Variants in NINJ2 observed in about 807,000 individuals in gnomAD.
NINJ2 encodes ninjurin 2.
Under a neutral mutation model 11.7 loss-of-function variants are expected in NINJ2, and 12 were observed. That is an observed-to-expected ratio of 1.02 (90% confidence interval 0.66 to 1.66). The LOEUF (loss-of-function observed/expected upper bound fraction) is 1.66, where lower values mean the gene tolerates loss of function less well. Ranked by LOEUF, NINJ2 falls within the 40% of genes most tolerant of loss-of-function variation. The pLI is 0.00. For missense variants in NINJ2, 187 were observed against 181.8 expected (o/e 1.03, Z -0.16); for synonymous variants, 93 against 76.8 (o/e 1.21, Z -1.10).
At chr12:624,785 G>C (rs1948192644) in intron 1 of NINJ2, among the ~76,000 whole-genome samples, 1 of 146,986 alleles carries the variant, frequency 6.8e-6, no homozygotes, top group South Asian at 2.2e-4. Flanking sequence ...CTCCAACCTG[G>C]GAGACAGAGT....
At chr12:646,306 G>A (rs1490656552) in intron 1 of NINJ2, among the ~76,000 whole-genome samples, 1 of 152,156 alleles carries the variant, frequency 6.6e-6, no homozygotes, top group Non-Finnish European at 1.5e-5. Flanking sequence ...TCCACCTCTT[G>A]GACTGCCCCT....
chr12:651,613 A>G (rs1937786896), intron 1 of NINJ2, among the ~76,000 whole-genome samples: 1 of 152,262 alleles, frequency 6.6e-6, no homozygotes, highest in South Asian at 2.1e-4. Flanking sequence ...AGCAAGCATT[A>G]GAACTAGACA....
At chr12:635,611 G>A (rs1948341934) in intron 1 of NINJ2, among the ~76,000 whole-genome samples, 1 of 152,178 alleles carries the variant, frequency 6.6e-6, no homozygotes, top group Admixed American at 6.5e-5. Context: ...AAACTTGAGA[G>A]TTAACACTGT....
intron 1 of NINJ2, among the ~76,000 whole-genome samples, chr12:635,163 C>T (rs781195487): frequency 6.6e-6 from 1 of 152,028 alleles, no homozygotes; most frequent in Non-Finnish European, 1.5e-5. Context: ...AAGTGATCCT[C>T]CTGCCTCAGC....
Position 572,217 on chromosome 12 carries a change from A to G in NINJ2, c.34-6039T>C, listed in dbSNP as rs367633266. On this transcript the variant is annotated intron_variant, in intron 1 of 3. Coordinates refer to ENST00000305108, the MANE Select transcript of NINJ2 (RefSeq NM_016533.6). ...GCGGAGAATCCCGGGGGCTGAGGACATCGCTGAGAGGCCGCTGCAGGGCAT... is the reference window on the plus strand; with the variant it reads ...GCGGAGAATCCCGGGGGCTGAGGACGTCGCTGAGAGGCCGCTGCAGGGCAT... Among the ~76,000 whole-genome samples the G allele has an allele frequency of 7.2e-5, 11 of 152,334 alleles. No homozygotes were observed. The South Asian group carries it at 1.7e-3, about 23-fold the overall frequency.
At chr12:594,699 C>T (rs1947759721) in intron 1 of NINJ2, among the ~76,000 whole-genome samples, 1 of 152,082 alleles carries the variant, frequency 6.6e-6, no homozygotes, top group African/African-American at 2.4e-5. Flanking sequence ...AAATAGAGAG[C>T]TATTCTATGT....
intron 1 of NINJ2, among the ~76,000 whole-genome samples, chr12:662,409 C>CGAGAGAGAGAGAGAGAGAGA (rs111778018): frequency 1.9e-4 from 28 of 147,520 alleles, no homozygotes; most frequent in African/African-American, 4.7e-4. Context: ...ACACAGAGAA[C>CGAGAGAGAGAGAGAGAGAGA]GAGAGAGAGA....
At chr12:595,040 G>T (rs1947764900) in intron 1 of NINJ2, among the ~76,000 whole-genome samples, 1 of 152,072 alleles carries the variant, frequency 6.6e-6, no homozygotes, top group Admixed American at 6.6e-5. Flanking sequence ...CATAAATAGA[G>T]TCAACTGATC....
chr12:643,731 T>A (rs1042160496), intron 1 of NINJ2: 1 of 959,624 alleles, frequency 1.0e-6, no homozygotes, highest in Non-Finnish European at 1.2e-6. Context: ...ACATCTTTTC[T>A]GGAACTCGCT....
intron 1 of NINJ2, among the ~76,000 whole-genome samples, chr12:576,227 C>CCA (rs1362869776): frequency 6.6e-6 from 1 of 152,206 alleles, no homozygotes; most frequent in Admixed American, 6.5e-5. Context: ...CACCGAGAGG[C>CCA]CACGTGGGGC....
chr12:604,143 C>T (rs976028479), intron 1 of NINJ2, among the ~76,000 whole-genome samples: 1 of 152,182 alleles, frequency 6.6e-6, no homozygotes, highest in African/African-American at 2.4e-5. Flanking sequence ...TGAAATTCCG[C>T]ACAGTTCTAG....
chr12:601,295 C>G (rs4980838), intron 1 of NINJ2, among the ~76,000 whole-genome samples: 29,323 of 151,992 alleles, frequency 0.19, 3,045 homozygotes, highest in Middle Eastern at 0.36. Flanking sequence ...GCCTGTAATC[C>G]CAGCACTTTG....
intron 1 of NINJ2, among the ~76,000 whole-genome samples, chr12:629,937 A>AT (rs1391768687): frequency 8.7e-5 from 10 of 114,612 alleles, no homozygotes; most frequent in Non-Finnish European, 1.8e-4. Flanking sequence ...TTTCTTTGCG[A>AT]TTTTTTAAAA....
chr12:623,354 A>C (rs11063910), intron 1 of NINJ2, among the ~76,000 whole-genome samples: 27,559 of 152,108 alleles, frequency 0.18, 2,616 homozygotes, highest in Middle Eastern at 0.34. Context: ...CTACCCGAGC[A>C]GCTCTCCCTT....
intron 1 of NINJ2, among the ~76,000 whole-genome samples, chr12:588,206 A>C (rs1947670002): frequency 6.6e-6 from 1 of 151,532 alleles, no homozygotes; most frequent in African/African-American, 2.4e-5. Flanking sequence ...GAGGGGACGG[A>C]AGGGACGGAG....
intron 1 of NINJ2, among the ~76,000 whole-genome samples, chr12:597,737 C>T (rs777202096): frequency 2.6e-5 from 4 of 152,170 alleles, no homozygotes; most frequent in Non-Finnish European, 5.9e-5. Context: ...GAAGAAGAGG[C>T]GAATGTATTA....
intron 1 of NINJ2, chr12:643,272 C>A: frequency 4.5e-6 from 1 of 222,622 alleles, no homozygotes; most frequent in Non-Finnish European, 7.7e-6. Flanking sequence ...CTGTCCTGCC[C>A]TCCGGCGGCG....
At chr12:570,027 C>G (rs1314147123) in intron 1 of NINJ2, among the ~76,000 whole-genome samples, 1 of 152,210 alleles carries the variant, frequency 6.6e-6, no homozygotes, top group African/African-American at 2.4e-5. Context: ...TAATGGGAAA[C>G]CTGGACCCCT....
At chr12:660,322 G>T (rs1937940994) in intron 1 of NINJ2, among the ~76,000 whole-genome samples, 1 of 146,292 alleles carries the variant, frequency 6.8e-6, no homozygotes, top group Non-Finnish European at 1.5e-5. Flanking sequence ...GGAATCACAG[G>T]TCTGATAAGT....
Sources: gnomAD v4.1 joint callset for allele counts (sites outside exome capture counted in the v4.1 genomes callset) on GRCh38, gnomAD v4.1.1 for gene constraint, MANE v1.5 for transcripts, NCBI Gene and HGNC (gene_info 2026-07-23, HGNC 2026-07-21) for gene names.